SLC25A12: variants seen among roughly 807,000 people sequenced by gnomAD.
SLC25A12 encodes the protein solute carrier family 25 member 12.
In SLC25A12, 32 loss-of-function variants were observed where a neutral mutation model predicts 83.3. The ratio of observed to expected loss-of-function variants is 0.38; its 90% confidence interval spans 0.29 to 0.52. The LOEUF is 0.52. Among genes scored for constraint, SLC25A12 ranks in the 20% least tolerant of loss-of-function variants. The pLI, the probability that SLC25A12 is intolerant of heterozygous loss-of-function variation, is 0.84. For missense variants in SLC25A12, 611 were observed against 835.6 expected, an observed-to-expected ratio of 0.73 and a Z score of 3.31; for synonymous variants, 267 against 291.1, an observed-to-expected ratio of 0.92 and a Z score of 0.84.
chr2:171,830,141 T>C (rs1465609599), intron 8 of SLC25A12, among the ~76,000 whole-genome samples: 1 of 152,226 alleles, frequency 6.6e-6, no homozygotes, highest in Non-Finnish European at 1.5e-5. Flanking sequence ...CTAGTATTAC[T>C]ACCTTCAGTA....
At chr2:171,831,973 G>A (rs1558923499) in intron 8 of SLC25A12, among the ~76,000 whole-genome samples, 1 of 152,104 alleles carries the variant, frequency 6.6e-6, no homozygotes, top group Non-Finnish European at 1.5e-5. Context: ...TGTTGTGTGT[G>A]TGATGTTATA....
intron 4 of SLC25A12, chr2:171,848,386 T>C (rs1378631312): frequency 4.7e-6 from 2 of 427,128 alleles, no homozygotes; most frequent in Non-Finnish European, 9.7e-6. Flanking sequence ...AACCAACTTA[T>C]AGGCTTGAGA....
At chr2:171,820,499 C>A (rs528409810) in intron 9 of SLC25A12, among the ~76,000 whole-genome samples, 4 of 149,942 alleles carry the variant, frequency 2.7e-5, no homozygotes, top group South Asian at 4.3e-4. Context: ...GAGGCCGAGG[C>A]GGGCGGATCA....
At chr2:171,797,825 T>C (rs1683630186) in intron 13 of SLC25A12, among the ~76,000 whole-genome samples, 1 of 152,208 alleles carries the variant, frequency 6.6e-6, no homozygotes, top group South Asian at 2.1e-4. Context: ...GCTATATAAA[T>C]GTAAATGGAC....
At chr2:171,867,641 G>C (rs974169577) in intron 3 of SLC25A12, among the ~76,000 whole-genome samples, 1 of 151,178 alleles carries the variant, frequency 6.6e-6, no homozygotes, top group African/African-American at 2.5e-5. Context: ...ACCGTGGGGA[G>C]AGGGAGAGGG....
chr2:171,860,533 T>C (rs1388591273), intron 3 of SLC25A12, among the ~76,000 whole-genome samples: 1 of 151,896 alleles, frequency 6.6e-6, no homozygotes, highest in Non-Finnish European at 1.5e-5. Context: ...ACCCGCGAGG[T>C]AGAGGTTGCA....
At chr2:171,880,234 T>C (rs1276234300) in intron 2 of SLC25A12, among the ~76,000 whole-genome samples, 2 of 152,102 alleles carry the variant, frequency 1.3e-5, no homozygotes, top group Non-Finnish European at 2.9e-5. Flanking sequence ...ATTTTAAAGT[T>C]TATTAATTCA....
intron 14 of SLC25A12, among the ~76,000 whole-genome samples, chr2:171,793,057 T>C: frequency 6.6e-6 from 1 of 152,010 alleles, no homozygotes; most frequent in East Asian, 1.9e-4. Flanking sequence ...GGAGTAAGTA[T>C]ACCCGCAGGG....
In SLC25A12 at chr2:171,869,918, C is replaced by G. The variant is rs1335078061; in HGVS notation, c.67-1095G>C. On this transcript the variant is annotated intron_variant, in intron 2 of 17. Transcript: ENST00000422440. ...AAGTTTTCAGAGAGAAAAACCAGGT[C>G]ACATATAAAGAATCATGAATTAAGG... Among the ~76,000 whole-genome samples the G allele has an allele frequency of 2.6e-5, 4 of 152,166 alleles. No individual in the cohort carries two copies. The East Asian group carries it at 7.7e-4, about 29-fold the overall frequency.
At chr2:171,836,944 G>A (rs746859512) in intron 6 of SLC25A12, among the ~76,000 whole-genome samples, 177 bp downstream of exon 6, 3 of 146,890 alleles carry the variant, frequency 2.0e-5, no homozygotes, top group Admixed American at 1.4e-4. Context: ...ATACATTCAC[G>A]TACACACACA....
chr2:171,860,520 T>G (rs1573989624), intron 3 of SLC25A12, among the ~76,000 whole-genome samples: 1 of 152,170 alleles, frequency 6.6e-6, no homozygotes, highest in East Asian at 1.9e-4. Flanking sequence ...GAGAATTGCT[T>G]GAACCCGCGA....
chr2:171,850,383 T>C (rs1191214082), intron 4 of SLC25A12, among the ~76,000 whole-genome samples: 2 of 130,676 alleles, frequency 1.5e-5, no homozygotes, highest in Non-Finnish European at 3.1e-5. Flanking sequence ...TCTTGCTCTG[T>C]CGCCCAGGCT....
At chr2:171,862,818 G>A (rs897559121) in intron 3 of SLC25A12, among the ~76,000 whole-genome samples, 4 of 152,276 alleles carry the variant, frequency 2.6e-5, no homozygotes, top group South Asian at 4.1e-4. Flanking sequence ...AGGAAACAAC[G>A]TACCAAGTAA....
intron 13 of SLC25A12, among the ~76,000 whole-genome samples, chr2:171,796,192 T>C (rs1329012463): frequency 1.3e-5 from 2 of 152,214 alleles, no homozygotes; most frequent in Admixed American, 1.3e-4. Flanking sequence ...AGCGATCCAC[T>C]CGCCTTGGCC....
At chr2:171,855,082 G>A (rs1229263121) in intron 4 of SLC25A12, among the ~76,000 whole-genome samples, 1 of 152,190 alleles carries the variant, frequency 6.6e-6, no homozygotes, top group African/African-American at 2.4e-5. Context: ...CTTTAAAAAG[G>A]TGGGGGCAGT....
At chr2:171,810,778 C>T (rs1199425418) in intron 11 of SLC25A12, among the ~76,000 whole-genome samples, 1 of 152,178 alleles carries the variant, frequency 6.6e-6, no homozygotes, top group Non-Finnish European at 1.5e-5. Flanking sequence ...ATCTTCTCTT[C>T]AGAGAAACAC....
intron 13 of SLC25A12, among the ~76,000 whole-genome samples, chr2:171,806,647 A>T (rs1683838047): frequency 6.6e-6 from 1 of 152,188 alleles, no homozygotes; most frequent in South Asian, 2.1e-4. Flanking sequence ...ATCTATAGGG[A>T]ACTCAAGGCC....
chr2:171,792,134 G>C (rs956794576), intron 14 of SLC25A12, among the ~76,000 whole-genome samples: 1 of 151,992 alleles, frequency 6.6e-6, no homozygotes, highest in African/African-American at 2.4e-5. Flanking sequence ...CACAGGAGTA[G>C]AAAATCATTA....
chr2:171,891,516 A>T (rs995885886), intron 2 of SLC25A12, among the ~76,000 whole-genome samples: 9 of 152,244 alleles, frequency 5.9e-5, no homozygotes, highest in Admixed American at 3.3e-4. Context: ...CAGGAAGGCC[A>T]GATGATTAGC....
Sources: allele counts gnomAD v4.1 joint callset (sites outside exome capture counted in the v4.1 genomes callset), GRCh38; gene constraint gnomAD v4.1.1; transcripts MANE v1.5; gene names NCBI Gene and HGNC (gene_info 2026-07-23, HGNC 2026-07-21).